Variants in PERM1 observed in about 807,000 individuals in gnomAD.
PERM1 encodes PPARGC1 and ESRR induced regulator, muscle 1.
In PERM1, 45 loss-of-function variants were observed where a neutral mutation model predicts 44.1. The ratio of observed to expected loss-of-function variants is 1.02; its 90% CI spans 0.80 to 1.31. The LOEUF (loss-of-function observed/expected upper bound fraction) is 1.31. Among genes scored for constraint, PERM1 ranks in the 50% most tolerant of loss-of-function variants. PERM1 has a pLI of 0.00. For synonymous variants in PERM1, 565 were observed against 477.1 expected, an observed-to-expected ratio of 1.18 and a Z score of -2.40; for missense variants, 1,189 against 1,106.9, an observed-to-expected ratio of 1.07 and a Z score of -1.05.
exon 1 of PERM1, chr1:979,380 G>A (rs1439921479): frequency 1.3e-6 from 2 of 1,502,860 alleles, no homozygotes; most frequent in African/African-American, 2.8e-5. Flanking sequence ...GAGGCTGGTG[G>A]GGCCGGGGCC....
rs1242237977 is a variant in PERM1, at chr1:978,949, CCCTCGGAGGCCGA to C, written c.2068_2080del (p.Ser690GlyfsTer13). ...CTTGAGGGGGGTCCCAGGCCCCGCC[CCCTCGGAGGCCGA>C]CCGGGGAGGCTCCAGGGCCTGCAGT... On this transcript the variant is annotated frameshift_variant, in exon 1 of 3. Coordinates refer to ENST00000433179, the Ensembl canonical transcript of PERM1. LOFTEE classifies it high-confidence loss of function. The C allele has an allele frequency of 4.0e-6, 6 of 1,508,360 alleles. No individual in the cohort carries two copies. Among genetic ancestry groups the C allele is most frequent in the Non-Finnish European group, 5.3e-6 (6 of 1,124,610 alleles). The allele number at this position is 1,508,360 out of a possible 1,614,324, so 93.4% of individuals were successfully genotyped here.
At chr1:980,106 T>C in exon 1 of PERM1, 1 of 1,549,622 alleles carries the variant, frequency 6.5e-7, no homozygotes, top group Non-Finnish European at 8.7e-7. Flanking sequence ...CCCTGTCAGG[T>C]TGCGGCTCGG....
At chr1:976,598 A>G in exon 2 of PERM1, 9 of 1,549,430 alleles carry the variant, frequency 5.8e-6, no homozygotes, top group Non-Finnish European at 7.9e-6. Context: ...CTGAAGGCAA[A>G]TGATGGGACA....
At chr1:981,547 C>T (rs1643793190), upstream of PERM1, among the ~76,000 whole-genome samples, 1 of 152,260 alleles carries the variant, frequency 6.6e-6, no homozygotes. Context: ...CAGCTGGCAG[C>T]CGGCCACAGG....
In PERM1 at chr1:976,279, A is replaced by C. The variant is rs770599056; in HGVS notation, c.2276-10T>G. 2 of 1,505,774 alleles carry C rather than the reference A, an allele frequency of 1.3e-6. No homozygotes were observed. The highest frequency in any genetic ancestry group is 2.8e-5 in the African/African-American group (2 of 71,432). The allele number at this position is 1,505,774 out of a possible 1,614,324, so 93.3% of individuals were successfully genotyped here. A position where few individuals can be genotyped will look rare whatever the true frequency, so the allele number is the denominator to read the frequency against. On this transcript the variant is annotated splice_polypyrimidine_tract_variant and intron_variant, in intron 2 of 2. Transcript: ENST00000433179. Reference sequence around the variant, plus strand: ...ACGTTGGCCAGCAAGGCTGCAAGAGAAGCACAGGCTCTTCTGAGGGCCAGC... The same window carrying C: ...ACGTTGGCCAGCAAGGCTGCAAGAGCAGCACAGGCTCTTCTGAGGGCCAGC...
intron 1 of PERM1, 24 bp from the exon 3 acceptor site, chr1:976,648 C>A (rs1225388067): frequency 2.6e-6 from 4 of 1,548,734 alleles, no homozygotes; most frequent in South Asian, 1.2e-5. Flanking sequence ...TCACCTTCAG[C>A]CCCACGGCTG....
At chr1:978,929 G>A (rs1319385462) in exon 1 of PERM1, 16 of 1,507,024 alleles carry the variant, frequency 1.1e-5, no homozygotes, top group South Asian at 3.8e-5. Flanking sequence ...GCTGGCTTGA[G>A]GGGGGTCCCA....
chr1:980,905 T>C, exon 1 of PERM1: 1 of 1,412,184 alleles, frequency 7.1e-7, no homozygotes, highest in Non-Finnish European at 9.2e-7. Context: ...TTGGTCAATG[T>C]CACTGGACAA....
chr1:980,028 G>A (rs1174740778), exon 1 of PERM1: 2 of 1,548,480 alleles, frequency 1.3e-6, no homozygotes, highest in East Asian at 4.9e-5. Flanking sequence ...GCGGCTCAGA[G>A]GCAGGTGTAG....
chr1:981,312 G>A (rs1184969966), upstream of PERM1: 1 of 830,980 alleles, frequency 1.2e-6, no homozygotes, highest in African/African-American at 1.7e-5. Flanking sequence ...GTGTGATGAT[G>A]CGGTGTTACA....
exon 3 of PERM1, chr1:975,805 G>A (rs1643579372): frequency 4.9e-6 from 1 of 206,184 alleles, no homozygotes; most frequent in South Asian, 9.4e-5. Flanking sequence ...AGAAACGCAG[G>A]GTGCGGTTGC....
exon 1 of PERM1, chr1:980,945 G>T: frequency 2.1e-6 from 3 of 1,442,848 alleles, no homozygotes; most frequent in Non-Finnish European, 2.7e-6. Flanking sequence ...AGGCCGGCCT[G>T]CAGGAGGCCA....
chr1:975,602 G>A (rs1443611796), exon 3 of PERM1: 1 of 153,140 alleles, frequency 6.5e-6, no homozygotes, highest in African/African-American at 2.4e-5. Context: ...AGTCCTTTGA[G>A]GATCAAGAGT....
exon 3 of PERM1, chr1:976,269 G>A (rs778949666): frequency 6.6e-7 from 1 of 1,514,256 alleles, no homozygotes; most frequent in Non-Finnish European, 8.8e-7. Context: ...GGCCAGCAAG[G>A]CTGCAAGAGA....
chr1:978,396 G>A (rs1643685208), intron 1 of PERM1, among the ~76,000 whole-genome samples: 1 of 152,152 alleles, frequency 6.6e-6, no homozygotes, highest in South Asian at 2.1e-4. Context: ...CCCGGGAACC[G>A]CCCGCCCTGG....
At chr1:979,198 T>G in exon 1 of PERM1, 5 of 1,550,076 alleles carry the variant, frequency 3.2e-6, no homozygotes, top group Non-Finnish European at 4.4e-6. Context: ...GTCCGGCCAC[T>G]GGACGCCTGC....
exon 3 of PERM1, chr1:976,092 G>T: frequency 1.4e-6 from 2 of 1,392,860 alleles, no homozygotes; most frequent in Non-Finnish European, 1.9e-6. Context: ...AGAGGGCCCG[G>T]GCGAGGGCGG....
chr1:980,480 T>A lies in PERM1; in HGVS notation c.550A>T (p.Lys184Ter). 1 of 1,516,296 alleles carries A rather than the reference T, an allele frequency of 6.6e-7. No individual in the cohort carries two copies. Among genetic ancestry groups the A allele is most frequent in the Non-Finnish European group, 8.8e-7 (1 of 1,130,252 alleles). The allele number at this position is 1,516,296 out of a possible 1,614,324, so 93.9% of individuals were successfully genotyped here. A position where few individuals can be genotyped will look rare whatever the true frequency, so the allele number is the denominator to read the frequency against. The change falls in exon 1 of 3, where the codon AAG (lysine) becomes TAG (stop). Residue 184 changes from lysine to a stop codon, truncating the protein, a stop_gained. Transcript: ENST00000433179. LOFTEE classifies it high-confidence loss of function. ...CCCTTGGCACCCACAGCTCGCCTCT[T>A]CTTTCGGCTGGGGCTCCGTGGTGGG...
chr1:975,985 G>A (rs1643586743), exon 3 of PERM1: 3 of 597,638 alleles, frequency 5.0e-6, no homozygotes. Flanking sequence ...TCCCAGGCGT[G>A]GGGAGTGGCC....
Sources: allele counts gnomAD v4.1 joint callset (sites outside exome capture counted in the v4.1 genomes callset), GRCh38; gene constraint gnomAD v4.1.1; transcripts MANE v1.5; gene names NCBI Gene and HGNC (gene_info 2026-07-23, HGNC 2026-07-21).